Variants in PCDHGA3 observed in about 807,000 individuals in gnomAD.
PCDHGA3 encodes the protein protocadherin gamma-A3.
A neutral mutation model predicts 58.5 loss-of-function variants in PCDHGA3; 40 were observed. The ratio of observed to expected loss-of-function variants is 0.68; its 90% CI spans 0.53 to 0.89. The LOEUF is 0.89. Among genes scored for constraint, PCDHGA3 ranks in the 40% least tolerant of loss-of-function variants. The pLI is 0.00. For synonymous variants in PCDHGA3, 530 were observed against 525.7 expected (o/e 1.01, Z -0.11); for missense variants, 1,223 against 1,195.9 (o/e 1.02, Z -0.33).
chr5:141,482,103 A>C (rs34394498), intron 1 of PCDHGA3, among the ~76,000 whole-genome samples: 2 of 142,250 alleles, frequency 1.4e-5, no homozygotes, highest in Non-Finnish European at 3.0e-5. Flanking sequence ...AAAAAAAAAA[A>C]AATATCTAGA....
Position 141,344,212 on chromosome 5 carries a change from C to G in PCDHGA3, c.179C>G (p.Ala60Gly). The part of the protein sequence containing the change: ...NDLGLEPREL[A>G]ERGVRIVSRG... ...CTGGGGCTAGAGCCCCGGGAGCTGGCGGAGCGCGGAGTCCGCATCGTCTCC... is the reference window on the plus strand; with the variant it reads ...CTGGGGCTAGAGCCCCGGGAGCTGGGGGAGCGCGGAGTCCGCATCGTCTCC... The change falls in exon 1 of 4, where the codon GCG (alanine) becomes GGG (glycine). Residue 60 changes from alanine (A) to glycine (G), a missense_variant. By Grantham distance (60) the Ala-to-Gly change is moderately conservative. This residue lies in a region of PCDHGA3 where 791 missense variants were observed against 708.5 expected (regional missense o/e 1.12). Coordinates refer to ENST00000253812, the MANE Select transcript of PCDHGA3 (RefSeq NM_018916.4). 6.2e-7 allele frequency: 1 copy of G among 1,613,992 alleles called. No homozygotes were observed. The highest frequency in any genetic ancestry group is 1.7e-5 in the Admixed American group (1 of 60,018).
chr5:141,404,909 C>G, intron 1 of PCDHGA3: 1 of 1,613,916 alleles, frequency 6.2e-7, no homozygotes, highest in Non-Finnish European at 8.5e-7. Flanking sequence ...TGGCCAGCCC[C>G]CTCTCTCGGC....
At position 141,344,591 on chromosome 5, in the gene PCDHGA3, T is replaced by C; in HGVS notation, c.558T>C (p.Ser186=). ...TCTCTCTGGCTGTGAATAGCGTCTC[T>C]GAGGGGGCCAAGTATCCAGAGCTGG... ...DYFSLAVNSV[S]EGAKYPELVL... Residue 186 remains serine, a synonymous_variant, in exon 1 of 4, where the codon TCT becomes TCC. Transcript: ENST00000253812. 1.2e-6 allele frequency: 2 copies of C among 1,614,016 alleles called. No homozygotes were observed. Among genetic ancestry groups the C allele is most frequent in the Non-Finnish European group, 1.7e-6 (2 of 1,179,892 alleles).
At chr5:141,479,312 A>G (rs1218187495) in intron 1 of PCDHGA3, 5 of 152,526 alleles carry the variant, frequency 3.3e-5, no homozygotes, top group African/African-American at 9.6e-5. Context: ...GAAAACATAA[A>G]GTAGCCAGAC....
In PCDHGA3 at chr5:141,477,891, G is replaced by T. The variant is rs750359063; in HGVS notation, c.2425-16916G>T. 10 of 1,614,066 alleles carry T rather than the reference G, an allele frequency of 6.2e-6. No individual in the cohort carries two copies. The African/African-American group carries it at 1.2e-4, about 19-fold the overall frequency. ...ACCTCAGCTGGCCACCTAGTGTCAC[G>T]GGTGGTAGGCTGGGACGCGGATGCA... is the stretch of plus-strand genomic sequence containing the variant. On this transcript the variant is annotated intron_variant, in intron 1 of 3. Coordinates refer to ENST00000253812, the MANE Select transcript of PCDHGA3 (RefSeq NM_018916.4). This position sits in a 1 kb window ranked among gnomAD's most constrained non-coding sequence, Gnocchi z 4.9.
intron 1 of PCDHGA3, chr5:141,362,397 G>C (rs778703789): frequency 4.3e-6 from 7 of 1,614,018 alleles, no homozygotes; most frequent in Non-Finnish European, 5.9e-6. Context: ...CCTACAACCT[G>C]TGTGTTGCCT....
intron 1 of PCDHGA3, chr5:141,372,593 C>G (rs748684942): frequency 6.2e-7 from 1 of 1,614,030 alleles, no homozygotes; most frequent in Non-Finnish European, 8.5e-7. Context: ...GTGTCTGCTT[C>G]AAGACTGTAC....
rs776293224 is a variant in PCDHGA3, at chr5:141,477,889, A to G, written c.2425-16918A>G. Reference sequence around the variant, plus strand: ...GTACCTCAGCTGGCCACCTAGTGTCACGGGTGGTAGGCTGGGACGCGGATG... The same window carrying G: ...GTACCTCAGCTGGCCACCTAGTGTCGCGGGTGGTAGGCTGGGACGCGGATG... On this transcript the variant is annotated intron_variant, in intron 1 of 3. Coordinates refer to ENST00000253812, the MANE Select transcript of PCDHGA3 (RefSeq NM_018916.4). This position sits in a 1 kb window ranked among gnomAD's most constrained non-coding sequence, Gnocchi z 4.9. The G allele has an allele frequency of 1.8e-5, 29 of 1,614,034 alleles. No individual in the cohort carries two copies. Among genetic ancestry groups the G allele is most frequent in the Non-Finnish European group, 2.5e-5 (29 of 1,180,026 alleles).
In PCDHGA3 at chr5:141,361,700, A is replaced by C; in HGVS notation, c.2424+15243A>C. The C allele has an allele frequency of 3.1e-6, 5 of 1,613,456 alleles. No individual in the cohort carries two copies. Among genetic ancestry groups the C allele is most frequent in the Non-Finnish European group, 4.2e-6 (5 of 1,179,872 alleles). On this transcript the variant is annotated intron_variant, in intron 1 of 3. Transcript: ENST00000253812. ...GTGTTCGCGCAGCGCGCCTTCGATCATGAGCAGCTGCGCGCCTTCGAGCTC... is the reference window on the plus strand; with the variant it reads ...GTGTTCGCGCAGCGCGCCTTCGATCCTGAGCAGCTGCGCGCCTTCGAGCTC...
In PCDHGA3 at chr5:141,428,992, C is replaced by A. The variant is rs986416866; in HGVS notation, c.2425-65815C>A. The A allele has an allele frequency of 1.3e-4, 20 of 152,092 alleles. 1 individual carries two copies. Among genetic ancestry groups the A allele is most frequent in the Admixed American group, 1.2e-3 (18 of 15,248 alleles). 9.4% of individuals were successfully genotyped at this position (152,092 alleles called of 1,614,324 possible). On this transcript the variant is annotated intron_variant, in intron 1 of 3. Transcript: ENST00000253812. Reference sequence around the variant, plus strand: ...GCCTCAGCCTCCCGGGTAGCTGGGACTACAGGCGCCCGCCACCACGCCCGG... The same window carrying A: ...GCCTCAGCCTCCCGGGTAGCTGGGAATACAGGCGCCCGCCACCACGCCCGG...
chr5:141,417,792 T>C, intron 1 of PCDHGA3: 1 of 1,483,216 alleles, frequency 6.7e-7, no homozygotes, highest in South Asian at 1.4e-5. Flanking sequence ...CCGAATGCTC[T>C]TTTAGCGCGG....
At chr5:141,415,015 A>C (rs2095814085) in intron 1 of PCDHGA3, 1 of 1,613,598 alleles carries the variant, frequency 6.2e-7, no homozygotes, top group East Asian at 2.2e-5. Flanking sequence ...CCGTCTGCTC[A>C]AGGCCAGCGA....
chr5:141,343,905 T>C lies in PCDHGA3; in HGVS notation c.-129T>C. On this transcript the variant is annotated 5_prime_UTR_variant, in exon 1 of 4. Coordinates refer to ENST00000253812, the MANE Select transcript of PCDHGA3 (RefSeq NM_018916.4). ...ATCCGGGGCGGCTGCCAACCTCACC[T>C]CTTAGTCAACCAGCTGTTTGACCTG... The C allele has an allele frequency of 1.2e-6, 1 of 860,702 alleles. No individual in the cohort carries two copies. 53.3% of individuals were successfully genotyped at this position (860,702 alleles called of 1,614,324 possible). A position where few individuals can be genotyped will look rare whatever the true frequency, so the allele number is the denominator to read the frequency against.
At position 141,395,545 on chromosome 5, in the gene PCDHGA3, TGTG is replaced by T. The variant is rs1561655187; in HGVS notation, c.2424+49089_2424+49091del. The T allele has an allele frequency of 2.9e-4, 51 of 177,126 alleles. 1 individual carries two copies. The highest frequency in any genetic ancestry group is 1.2e-3 in the African/African-American group (46 of 38,988). 11.0% of individuals were successfully genotyped at this position (177,126 alleles called of 1,614,324 possible). A position where few individuals can be genotyped will look rare whatever the true frequency, so the allele number is the denominator to read the frequency against. ...ATACTGGTAATTTTGCTATTGTTTG[TGTG>T]TGTGTGTGTGTGTGTGTGTGTGTGT... is the stretch of plus-strand genomic sequence containing the variant. On this transcript the variant is annotated intron_variant, in intron 1 of 3. Coordinates refer to ENST00000253812, the MANE Select transcript of PCDHGA3 (RefSeq NM_018916.4).
chr5:141,491,578 C>G lies in PCDHGA3; in HGVS notation c.2425-3229C>G, dbSNP rs1438933474. ...CCACTGCTACAGGACGTGCTTTTCA[C>G]CGGCCTCGGACGGCAGTGACTTCAC... On this transcript the variant is annotated intron_variant, in intron 1 of 3. Transcript: ENST00000253812. This position sits in a 1 kb window ranked among gnomAD's most constrained non-coding sequence, Gnocchi z 6.9. The G allele has an allele frequency of 1.9e-6, 3 of 1,614,006 alleles. No individual in the cohort carries two copies. Among genetic ancestry groups the G allele is most frequent in the Non-Finnish European group, 2.5e-6 (3 of 1,180,036 alleles).
chr5:141,508,077 G>T (rs1166570509), intron 3 of PCDHGA3: 1 of 152,446 alleles, frequency 6.6e-6, no homozygotes, highest in Non-Finnish European at 1.5e-5. Context: ...GGCTACTCTG[G>T]AGTTGCTGCC....
chr5:141,455,364 G>C (rs2098820282), intron 1 of PCDHGA3, among the ~76,000 whole-genome samples: 1 of 152,252 alleles, frequency 6.6e-6, no homozygotes, highest in South Asian at 2.1e-4. Flanking sequence ...TAGGCAAGAA[G>C]GAAGGGAGAA....
At chr5:141,420,462 G>T in intron 1 of PCDHGA3, 2 of 892,618 alleles carry the variant, frequency 2.2e-6, no homozygotes. Context: ...ACTATTCAAA[G>T]ACATTTTAAA....
chr5:141,472,218 G>A (rs1206861601), intron 1 of PCDHGA3, among the ~76,000 whole-genome samples: 3 of 152,054 alleles, frequency 2.0e-5, no homozygotes, highest in Admixed American at 2.0e-4. Flanking sequence ...CCTTACTCTC[G>A]ATCATATAAT....
Sources: gnomAD v4.1 joint callset for allele counts (sites outside exome capture counted in the v4.1 genomes callset) on GRCh38, gnomAD v4.1.1 for gene constraint, gnomAD v4.1.1 regional missense constraint, Gnocchi (gnomAD v3.1) non-coding constraint, MANE v1.5 for transcripts, NCBI Gene and HGNC (gene_info 2026-07-23, HGNC 2026-07-21) for gene names.